SLC9A9: variants seen among roughly 807,000 people sequenced by gnomAD.
The protein encoded by SLC9A9 is sodium/hydrogen exchanger 9.
A neutral mutation model predicts 77.8 loss-of-function variants in SLC9A9; 62 were observed. The observed-to-expected ratio is 0.80, with a 90% confidence interval of 0.65 to 0.98. SLC9A9 has a LOEUF of 0.98. Ranked by LOEUF, SLC9A9 falls within the 50% of genes least tolerant of loss-of-function variation. The pLI, the probability that SLC9A9 is intolerant of heterozygous loss-of-function variation, is 0.00. For synonymous variants in SLC9A9, 320 were observed against 283.5 expected (o/e 1.13, Z -1.29); for missense variants, 775 against 774.9 (o/e 1.00, Z 0.00).
At chr3:143,670,137 T>C (rs2039135046) in intron 5 of SLC9A9, among the ~76,000 whole-genome samples, 1 of 152,228 alleles carries the variant, frequency 6.6e-6, no homozygotes, top group African/African-American at 2.4e-5. Flanking sequence ...CTATTCTGTG[T>C]CCATTTACTT....
chr3:143,470,191 C>T (rs79480117), intron 11 of SLC9A9, among the ~76,000 whole-genome samples: 11 of 151,966 alleles, frequency 7.2e-5, no homozygotes, highest in South Asian at 2.1e-4. Context: ...GTGAACTTTC[C>T]GGCTGGGGGA....
intron 9 of SLC9A9, among the ~76,000 whole-genome samples, chr3:143,508,610 G>A (rs963711559): frequency 1.3e-5 from 2 of 152,048 alleles, no homozygotes; most frequent in African/African-American, 4.8e-5. Context: ...TTCTGAATTC[G>A]GTAGTTTTAT....
intron 2 of SLC9A9, among the ~76,000 whole-genome samples, chr3:143,823,196 GC>G (rs1201969321): frequency 2.6e-5 from 4 of 152,172 alleles, no homozygotes; most frequent in African/African-American, 9.7e-5. Context: ...CCTAGTCTCT[GC>G]CCTCCTGGAG....
intron 5 of SLC9A9, among the ~76,000 whole-genome samples, chr3:143,652,746 G>A (rs529891900): frequency 7.6e-5 from 11 of 144,352 alleles, no homozygotes; most frequent in South Asian, 2.2e-4. Flanking sequence ...TTCCTTCCTC[G>A]TCCACTTGCT....
intron 11 of SLC9A9, among the ~76,000 whole-genome samples, chr3:143,474,957 AG>A (rs1296179134): frequency 1.3e-5 from 1 of 75,286 alleles, no homozygotes; most frequent in Non-Finnish European, 2.2e-5. Context: ...ACCTTCACCC[AG>A]GTTTTTTTTT....
chr3:143,621,094 G>A (rs994278033), intron 6 of SLC9A9, among the ~76,000 whole-genome samples: 1 of 152,200 alleles, frequency 6.6e-6, no homozygotes, highest in African/African-American at 2.4e-5. Context: ...GCCAAGGCTT[G>A]AGTAGGTAAA....
intron 12 of SLC9A9, among the ~76,000 whole-genome samples, chr3:143,402,573 T>C (rs531909783): frequency 6.6e-6 from 1 of 152,004 alleles, no homozygotes; most frequent in South Asian, 2.1e-4. Flanking sequence ...ATAATGGTTA[T>C]ATATTCCAAA....
chr3:143,840,973 C>T (rs1000567160), intron 1 of SLC9A9, among the ~76,000 whole-genome samples: 2 of 152,016 alleles, frequency 1.3e-5, no homozygotes, highest in Non-Finnish European at 2.9e-5. Context: ...CAATCTCTAC[C>T]TCTCTTCTGT....
At chr3:143,434,970 T>C (rs1327271096) in intron 12 of SLC9A9, among the ~76,000 whole-genome samples, 2 of 152,114 alleles carry the variant, frequency 1.3e-5, no homozygotes, top group Non-Finnish European at 2.9e-5. Flanking sequence ...GTTGCCCAAA[T>C]CTACCTTGTC....
At chr3:143,394,793 T>A (rs2033684736) in intron 12 of SLC9A9, among the ~76,000 whole-genome samples, 1 of 152,128 alleles carries the variant, frequency 6.6e-6, no homozygotes, top group African/African-American at 2.4e-5. Context: ...TCATAAGCAT[T>A]CCTATACACC....
chr3:143,548,152 C>A (rs933280876), intron 9 of SLC9A9, among the ~76,000 whole-genome samples: 1 of 152,114 alleles, frequency 6.6e-6, no homozygotes, highest in East Asian at 1.9e-4. Context: ...TGGTGCCAAC[C>A]ATGTGAAGGG....
intron 11 of SLC9A9, among the ~76,000 whole-genome samples, chr3:143,492,954 G>A (rs1481485791): frequency 2.0e-5 from 3 of 152,150 alleles, no homozygotes; most frequent in African/African-American, 2.4e-5. Flanking sequence ...AAAATTAATT[G>A]ACTAAAGATA....
At chr3:143,839,754 C>T (rs1358575156) in intron 1 of SLC9A9, among the ~76,000 whole-genome samples, 1 of 152,166 alleles carries the variant, frequency 6.6e-6, no homozygotes, top group Non-Finnish European at 1.5e-5. Flanking sequence ...TTGCAATCAT[C>T]TTAGGAAGTT....
chr3:143,322,268 T>C (rs140431378), intron 14 of SLC9A9, among the ~76,000 whole-genome samples: 3 of 152,262 alleles, frequency 2.0e-5, no homozygotes, highest in African/African-American at 7.2e-5. Flanking sequence ...AGATGACCAT[T>C]ATAATGTGGG....
intron 9 of SLC9A9, among the ~76,000 whole-genome samples, chr3:143,507,834 C>T (rs566761497): frequency 6.8e-4 from 103 of 152,250 alleles, no homozygotes; most frequent in Middle Eastern, 3.4e-3. Flanking sequence ...GTGTTGAGAG[C>T]CCATTTCCTA....
At position 143,611,464 on chromosome 3, in the gene SLC9A9, A is replaced by G. The variant is rs995305260; in HGVS notation, c.756-32741T>C. Among the ~76,000 whole-genome samples the G allele has an allele frequency of 5.9e-5, 9 of 152,336 alleles. No individual in the cohort carries two copies. In the East Asian group the frequency reaches 1.4e-3, roughly 23 times the overall value. On this transcript the variant is annotated intron_variant, in intron 6 of 15. Transcript: ENST00000316549. ...TGAGTAGAAACGAGCATTATACCAG[A>G]CACATTATTGTGATATTTCAATATA...
chr3:143,633,569 A>G (rs1040822419), intron 6 of SLC9A9, among the ~76,000 whole-genome samples: 2 of 152,100 alleles, frequency 1.3e-5, no homozygotes, highest in African/African-American at 4.8e-5. Flanking sequence ...TTTTTTTGTT[A>G]TTACAATGAT....
intron 12 of SLC9A9, among the ~76,000 whole-genome samples, chr3:143,395,061 C>T (rs981255190): frequency 5.9e-5 from 9 of 152,184 alleles, no homozygotes; most frequent in African/African-American, 2.2e-4. Context: ...CCCCATCAAG[C>T]TACCAATGAC....
At chr3:143,794,319 A>T (rs1272233755) in intron 4 of SLC9A9, among the ~76,000 whole-genome samples, 1 of 111,056 alleles carries the variant, frequency 9.0e-6, no homozygotes, top group Non-Finnish European at 1.8e-5. Flanking sequence ...TAGTACCTGG[A>T]CATTTTTTTT....
Sources: gnomAD v4.1 joint callset for allele counts (sites outside exome capture counted in the v4.1 genomes callset) on GRCh38, gnomAD v4.1.1 for gene constraint, MANE v1.5 for transcripts, NCBI Gene and HGNC (gene_info 2026-07-23, HGNC 2026-07-21) for gene names.